Variants in VGLL4 observed in about 807,000 individuals in gnomAD.
The protein encoded by VGLL4 is vestigial like family member 4, also known as transcription cofactor vestigial-like protein 4.
In VGLL4, 7 loss-of-function variants were observed where a neutral mutation model predicts 21.0. The observed-to-expected ratio is 0.33, with a 90% CI of 0.19 to 0.63. The LOEUF (loss-of-function observed/expected upper bound fraction) is 0.63. Among genes scored for constraint, VGLL4 ranks in the 20% least tolerant of loss-of-function variants. The pLI is 0.78. For missense variants in VGLL4, 394 were observed against 425.7 expected, an observed-to-expected ratio of 0.93 and a Z score of 0.66; for synonymous variants, 222 against 173.2, an observed-to-expected ratio of 1.28 and a Z score of -2.21.
chr3:11,676,004 A>C lies in VGLL4; in HGVS notation c.64+26967T>G, dbSNP rs368918432. Among the ~76,000 whole-genome samples, 64 of 152,298 alleles carry C rather than the reference A, an allele frequency of 4.2e-4. 1 individual carries two copies. The East Asian group carries it at 9.5e-3, about 23-fold the overall frequency. On this transcript the variant is annotated intron_variant, in intron 2 of 5. Coordinates refer to the VGLL4 transcript ENST00000273038. ...ATGTTTTATTCTTTACTCTCACTTT[A>C]TCTTAGTTACACACCATATGTGACC...
Position 11,565,718 on chromosome 3 carries a change from T to C in VGLL4, c.273-699A>G, listed in dbSNP as rs550091708. Among the ~76,000 whole-genome samples, 247 of 152,308 alleles carry C rather than the reference T, an allele frequency of 1.6e-3. No individual in the cohort carries two copies. The highest frequency in any genetic ancestry group is 1.6e-3 in the Non-Finnish European group (108 of 68,022). ...GAAGGTCCATCACTAGCCCTGGCCATGTGCTGAGCACCCAGGCGATGCCAC... is the reference window on the plus strand; with the variant it reads ...GAAGGTCCATCACTAGCCCTGGCCACGTGCTGAGCACCCAGGCGATGCCAC... On this transcript the variant is annotated intron_variant, in intron 2 of 4. Transcript: ENST00000430365. The surrounding 1 kb of genome is among the most constrained non-coding windows in gnomAD (Gnocchi z 4.1).
At chr3:11,559,972 A>G (rs1440783637) in intron 3 of VGLL4, among the ~76,000 whole-genome samples, 2 of 152,124 alleles carry the variant, frequency 1.3e-5, no homozygotes, top group African/African-American at 4.8e-5. Context: ...CAGAGAGGAA[A>G]TGGAGGAAAT....
chr3:11,662,615 T>C (rs2076053364), intron 2 of VGLL4, among the ~76,000 whole-genome samples: 1 of 152,246 alleles, frequency 6.6e-6, no homozygotes, highest in African/African-American at 2.4e-5. Flanking sequence ...ATGCTCTCTA[T>C]TCCACAATTT....
chr3:11,608,404 T>A (rs1466034979), intron 1 of VGLL4, among the ~76,000 whole-genome samples: 1 of 152,204 alleles, frequency 6.6e-6, no homozygotes, highest in Non-Finnish European at 1.5e-5. Context: ...ATGGTGGCAA[T>A]TCTAACACAT....
At position 11,719,964 on chromosome 3, in the gene VGLL4, G is replaced by T. The variant is rs1213045082; in HGVS notation, c.-14+430C>A. ...CGGCATCTCGCACGCCCCCGCCCCC[G>T]AGGCCCCGCCAGGGGACACAGCGCC... On this transcript the variant is annotated intron_variant, in intron 1 of 5. Coordinates refer to the VGLL4 transcript ENST00000273038. This position sits in a 1 kb window ranked among gnomAD's most constrained non-coding sequence, Gnocchi z 4.0. 6.6e-6 allele frequency among the ~76,000 whole-genome samples: 1 copy of T among 151,484 alleles called. No homozygotes were observed. The highest frequency in any genetic ancestry group is 2.0e-4 in the East Asian group (1 of 5,100).
chr3:11,688,533 A>G (rs528463960), intron 2 of VGLL4, among the ~76,000 whole-genome samples: 1 of 152,324 alleles, frequency 6.6e-6, no homozygotes, highest in East Asian at 1.9e-4. Context: ...ATATTTGTAT[A>G]GTATTCTCAT....
chr3:11,622,897 C>T (rs941200994), intron 1 of VGLL4, among the ~76,000 whole-genome samples: 4 of 152,158 alleles, frequency 2.6e-5, no homozygotes, highest in African/African-American at 9.7e-5. Flanking sequence ...AGAACTGAAA[C>T]CTGGAAAGGC....
At chr3:11,661,044 T>A (rs1027982613) in intron 2 of VGLL4, among the ~76,000 whole-genome samples, 2 of 152,138 alleles carry the variant, frequency 1.3e-5, no homozygotes, top group African/African-American at 4.8e-5. Flanking sequence ...TTTACAAAAC[T>A]GAACACTACC....
At chr3:11,670,941 G>A (rs1032706044) in intron 2 of VGLL4, among the ~76,000 whole-genome samples, 7 of 152,308 alleles carry the variant, frequency 4.6e-5, no homozygotes, top group South Asian at 2.1e-4. Context: ...GGAGGCTGAG[G>A]CAGAAGAATT....
rs1169827415 is a variant in VGLL4 at position 11,719,101 on chromosome 3, G to A, written c.-14+1293C>T. ...TGTGCAGTCCTGTTTTGGGGACCGGGCAGGAAGCACAGGAAGAGTACGGTG... is the reference window on the plus strand; with the variant it reads ...TGTGCAGTCCTGTTTTGGGGACCGGACAGGAAGCACAGGAAGAGTACGGTG... On this transcript the variant is annotated intron_variant, in intron 1 of 5. Coordinates refer to the VGLL4 transcript ENST00000273038. This position sits in a 1 kb window ranked among gnomAD's most constrained non-coding sequence, Gnocchi z 4.0. Among the ~76,000 whole-genome samples, 1 of 152,176 alleles carries A rather than the reference G, an allele frequency of 6.6e-6. No individual in the cohort carries two copies. The highest frequency in any genetic ancestry group is 1.5e-5 in the Non-Finnish European group (1 of 68,012).
At chr3:11,698,189 T>A (rs542983060) in intron 2 of VGLL4, among the ~76,000 whole-genome samples, 1 of 152,276 alleles carries the variant, frequency 6.6e-6, no homozygotes, top group Admixed American at 6.5e-5. Context: ...CCCATTTTCA[T>A]CAATTTACCC....
intron 1 of VGLL4, chr3:11,626,562 T>C (rs1225151427): frequency 1.4e-5 from 5 of 357,824 alleles, no homozygotes; most frequent in South Asian, 1.1e-4. Flanking sequence ...CCCTGAACAG[T>C]GCTCTAAACA....
intron 1 of VGLL4, among the ~76,000 whole-genome samples, chr3:11,613,001 G>A (rs114452931): frequency 6.6e-6 from 1 of 152,064 alleles, no homozygotes; most frequent in Admixed American, 6.5e-5. Context: ...CTTTGCTGGG[G>A]GCTCAATTTC....
chr3:11,712,555 T>C (rs2076862204), intron 1 of VGLL4, among the ~76,000 whole-genome samples: 1 of 152,198 alleles, frequency 6.6e-6, no homozygotes. Flanking sequence ...TGATTATTAT[T>C]TTTCTTCTAC....
intron 1 of VGLL4, among the ~76,000 whole-genome samples, chr3:11,641,683 C>G (rs980884976): frequency 1.3e-5 from 2 of 151,612 alleles, no homozygotes; most frequent in East Asian, 3.9e-4. Flanking sequence ...ATGTTTAAAC[C>G]AAACAGACTT....
chr3:11,695,443 C>A (rs1469011701), intron 2 of VGLL4, among the ~76,000 whole-genome samples: 2 of 151,946 alleles, frequency 1.3e-5, no homozygotes, highest in East Asian at 3.8e-4. Flanking sequence ...AAAATAATAC[C>A]CAACTATATA....
Position 11,604,570 on chromosome 3 carries a change from G to A in VGLL4, c.83-2548C>T. 3 of 926,498 alleles carry A rather than the reference G, an allele frequency of 3.2e-6. 1 individual carries two copies. The South Asian group carries it at 1.6e-4, about 50-fold the overall frequency. 57.4% of individuals were successfully genotyped at this position (926,498 alleles called of 1,614,324 possible). The stretch of plus-strand genomic sequence containing the variant: ...GAGTGGTAACTGTTGTATGTGTGGT[G>A]GGGTTAAAATTATTTTTGTAAAACT... On this transcript the variant is annotated intron_variant, in intron 1 of 4. Coordinates refer to ENST00000430365, the MANE Select transcript of VGLL4 (RefSeq NM_001128219.3).
chr3:11,670,997 A>G (rs1256702476), intron 2 of VGLL4, among the ~76,000 whole-genome samples: 3 of 152,248 alleles, frequency 2.0e-5, no homozygotes, highest in Non-Finnish European at 4.4e-5. Flanking sequence ...AGATCGTGCC[A>G]TTGCACTCCA....
intron 2 of VGLL4, among the ~76,000 whole-genome samples, chr3:11,584,990 T>C (rs17609108): frequency 0.14 from 21,216 of 152,132 alleles, 1,869 homozygotes; most frequent in South Asian, 0.24. Flanking sequence ...CTAGGTCCTA[T>C]GTACATATCA....
Sources: allele counts gnomAD v4.1 joint callset (sites outside exome capture counted in the v4.1 genomes callset), GRCh38; gene constraint gnomAD v4.1.1; non-coding constraint Gnocchi (gnomAD v3.1); transcripts MANE v1.5; gene names NCBI Gene and HGNC (gene_info 2026-07-23, HGNC 2026-07-21).